The following CDH18 variants were observed in gnomAD, a reference collection of about 807,000 sequenced individuals.
CDH18 encodes the protein cadherin 18.
A neutral mutation model predicts 67.9 loss-of-function variants in CDH18; 31 were observed. The observed-to-expected ratio is 0.46, with a 90% confidence interval of 0.34 to 0.62. The LOEUF (loss-of-function observed/expected upper bound fraction) is 0.62. Ranked by LOEUF, CDH18 falls within the 20% of genes least tolerant of loss-of-function variation. The pLI, the probability that CDH18 is intolerant of heterozygous loss-of-function variation, is 0.01. For missense variants in CDH18, 890 were observed against 975.5 expected (o/e 0.91, Z 1.17); for synonymous variants, 362 against 347.2 (o/e 1.04, Z -0.48).
intron 2 of CDH18, among the ~76,000 whole-genome samples, chr5:20,128,866 T>A (rs1041923509): frequency 1.3e-5 from 2 of 152,040 alleles, no homozygotes; most frequent in African/African-American, 4.8e-5. Flanking sequence ...CTCAGTGCAA[T>A]CATAATACAC....
In CDH18 at chr5:20,099,310, G is replaced by T. The variant is rs112814951; in HGVS notation, c.-517-107296C>A. On this transcript the variant is annotated intron_variant, in intron 2 of 14. Transcript: ENST00000507958. Reference sequence around the variant, plus strand: ...GGCTTCTAAGAACAGAATATGATCAGGCATTCATTAGTCACTTCAATCCCT... The same window carrying T: ...GGCTTCTAAGAACAGAATATGATCATGCATTCATTAGTCACTTCAATCCCT... 3.7e-3 allele frequency among the ~76,000 whole-genome samples: 557 copies of T among 152,202 alleles called. 2 individuals carry two copies. Among genetic ancestry groups the T allele is most frequent in the African/African-American group, 0.013 (520 of 41,536 alleles).
At chr5:20,164,008 A>T (rs563948687) in intron 2 of CDH18, among the ~76,000 whole-genome samples, 1 of 152,296 alleles carries the variant, frequency 6.6e-6, no homozygotes, top group South Asian at 2.1e-4. Context: ...TTGATCAACA[A>T]CTCAACAAAG....
chr5:20,064,393 T>C (rs1742789036), intron 2 of CDH18, among the ~76,000 whole-genome samples: 2 of 152,192 alleles, frequency 1.3e-5, no homozygotes, highest in Admixed American at 6.6e-5. Context: ...CTGTGATTTA[T>C]CTTGGTTCTT....
intron 10 of CDH18, among the ~76,000 whole-genome samples, chr5:19,510,109 A>G (rs1405177701): frequency 6.6e-6 from 1 of 152,164 alleles, no homozygotes; most frequent in East Asian, 1.9e-4. Flanking sequence ...TTGAAAGAGG[A>G]ACAGTCACAC....
chr5:20,050,413 G>A (rs1278660026), intron 2 of CDH18, among the ~76,000 whole-genome samples: 2 of 151,754 alleles, frequency 1.3e-5, no homozygotes, highest in African/African-American at 4.8e-5. Flanking sequence ...CTGAATTTCT[G>A]AATGGACAGT....
At chr5:20,185,548 C>A (rs1438124969) in intron 2 of CDH18, among the ~76,000 whole-genome samples, 1 of 152,022 alleles carries the variant, frequency 6.6e-6, no homozygotes, top group Non-Finnish European at 1.5e-5. Context: ...GCCTGTTCAC[C>A]TCACTGGACC....
intron 5 of CDH18, among the ~76,000 whole-genome samples, chr5:19,678,198 T>C: frequency 6.6e-6 from 1 of 150,828 alleles, no homozygotes; most frequent in South Asian, 2.1e-4. Flanking sequence ...AGATAGCACA[T>C]GCTCTATATT....
At chr5:20,191,809 C>G (rs1367157344) in intron 2 of CDH18, among the ~76,000 whole-genome samples, 2 of 152,108 alleles carry the variant, frequency 1.3e-5, no homozygotes, top group Non-Finnish European at 2.9e-5. Context: ...AATAGTGGCA[C>G]TATAAACATA....
At chr5:19,909,122 T>C (rs539709717) in intron 2 of CDH18, among the ~76,000 whole-genome samples, 1 of 152,104 alleles carries the variant, frequency 6.6e-6, no homozygotes, top group African/African-American at 2.4e-5. Flanking sequence ...TTCTGCATTT[T>C]CTACATTTAT....
intron 1 of CDH18, among the ~76,000 whole-genome samples, chr5:20,285,420 A>G (rs1580667792): frequency 6.8e-6 from 1 of 146,842 alleles, no homozygotes; most frequent in Non-Finnish European, 1.5e-5. Flanking sequence ...AATATAATAT[A>G]ATATAATCAT....
chr5:20,490,536 T>C (rs1454848367), intron 1 of CDH18, among the ~76,000 whole-genome samples: 2 of 152,076 alleles, frequency 1.3e-5, no homozygotes, highest in Admixed American at 6.6e-5. Context: ...GAAATGTAAA[T>C]ATGATAATAA....
Position 20,431,395 on chromosome 5 carries a change from A to C in CDH18, c.-580+144067T>G, listed in dbSNP as rs537076777. 6.6e-5 allele frequency among the ~76,000 whole-genome samples: 10 copies of C among 151,190 alleles called. No homozygotes were observed. In the East Asian group the frequency reaches 1.8e-3, roughly 27 times the overall value. ...GTAATCCCAGCTACTTGGGAGGCTAAGGCAGGAGAATTGTTTGAACCCAGA... is the reference window on the plus strand; with the variant it reads ...GTAATCCCAGCTACTTGGGAGGCTACGGCAGGAGAATTGTTTGAACCCAGA... On this transcript the variant is annotated intron_variant, in intron 1 of 14. Coordinates refer to the CDH18 transcript ENST00000507958.
At chr5:19,485,381 G>C (rs772840065) in intron 11 of CDH18, among the ~76,000 whole-genome samples, 14 of 151,854 alleles carry the variant, frequency 9.2e-5, no homozygotes, top group Admixed American at 5.3e-4. Flanking sequence ...TCAGCCTCCA[G>C]AGTAGCTGGG....
chr5:20,307,080 C>G (rs1256748217), intron 1 of CDH18, among the ~76,000 whole-genome samples: 3 of 151,948 alleles, frequency 2.0e-5, no homozygotes, highest in Admixed American at 2.0e-4. Flanking sequence ...GGATAGCCTC[C>G]TGAAATATTA....
At chr5:19,718,238 A>C (rs951790821) in intron 5 of CDH18, among the ~76,000 whole-genome samples, 1 of 151,978 alleles carries the variant, frequency 6.6e-6, no homozygotes, top group Non-Finnish European at 1.5e-5. Flanking sequence ...AGCACTCACA[A>C]GTCCACATTT....
chr5:20,205,284 T>C (rs11959346), intron 2 of CDH18, among the ~76,000 whole-genome samples: 23,041 of 151,728 alleles, frequency 0.15, 2,662 homozygotes, highest in African/African-American at 0.33. Flanking sequence ...CAAGAGACAA[T>C]GAAAGTCACT....
intron 3 of CDH18, among the ~76,000 whole-genome samples, chr5:19,822,307 C>T (rs537463464): frequency 3.9e-5 from 6 of 152,156 alleles, no homozygotes; most frequent in African/African-American, 9.6e-5. Context: ...CAAGAGGAGG[C>T]GTTGTTATTC....
intron 1 of CDH18, among the ~76,000 whole-genome samples, chr5:20,337,996 A>G (rs1038620114): frequency 1.3e-5 from 2 of 152,178 alleles, no homozygotes; most frequent in Non-Finnish European, 2.9e-5. Flanking sequence ...TTGTGCAGGG[A>G]AACTTCCCCT....
intron 5 of CDH18, among the ~76,000 whole-genome samples, chr5:19,637,095 CA>C (rs551153995): frequency 8.5e-5 from 13 of 152,084 alleles, no homozygotes; most frequent in Non-Finnish European, 1.9e-4. Context: ...CTATATATCG[CA>C]GGTAGATTTC....
Sources: allele counts gnomAD v4.1 joint callset (sites outside exome capture counted in the v4.1 genomes callset), GRCh38; gene constraint gnomAD v4.1.1; transcripts MANE v1.5; gene names NCBI Gene and HGNC (gene_info 2026-07-23, HGNC 2026-07-21).